The following MED23 variants were observed in gnomAD, a reference collection of about 807,000 sequenced individuals.
MED23 encodes mediator complex subunit 23, also known as mediator of RNA polymerase II transcription subunit 23.
A neutral mutation model predicts 163.9 loss-of-function variants in MED23; 105 were observed. That is an observed-to-expected ratio of 0.64 (90% confidence interval 0.55 to 0.75). The LOEUF is 0.75. MED23 is among the 30% of genes least tolerant of loss of function. The pLI, the probability that MED23 is intolerant of heterozygous loss-of-function variation, is 0.00. For synonymous variants in MED23, 561 were observed against 565.6 expected, an observed-to-expected ratio of 0.99 and a Z score of 0.12; for missense variants, 1,054 against 1,649.0, an observed-to-expected ratio of 0.64 and a Z score of 6.25.
chr6:131,579,006 T>G (rs888226124), intron 30 of MED23: 5 of 1,338,786 alleles, frequency 3.7e-6, no homozygotes, highest in Non-Finnish European at 5.2e-6. Context: ...TTTCCTTTGC[T>G]TATACTTGTG....
At chr6:131,580,955 T>C (rs532546947) in intron 30 of MED23, among the ~76,000 whole-genome samples, 28 of 152,334 alleles carry the variant, frequency 1.8e-4, no homozygotes, top group African/African-American at 6.7e-4. Context: ...CTAATCGTGG[T>C]TTTCTTACAA....
At chr6:131,581,699 T>C (rs530009746) in intron 30 of MED23, among the ~76,000 whole-genome samples, 4 of 152,338 alleles carry the variant, frequency 2.6e-5, no homozygotes, top group South Asian at 2.1e-4. Flanking sequence ...GCCAAGCCTA[T>C]AGTGAAGCAA....
At chr6:131,621,342 AAT>A (rs1313167133) in intron 6 of MED23, among the ~76,000 whole-genome samples, 1 of 151,918 alleles carries the variant, frequency 6.6e-6, no homozygotes, top group Non-Finnish European at 1.5e-5. Context: ...AAGTATATAT[AAT>A]ATATATACAC....
At chr6:131,623,486 C>T (rs1777260408) in intron 4 of MED23, 24 bp from the exon 5 acceptor site, 2 of 1,594,250 alleles carry the variant, frequency 1.3e-6, no homozygotes, top group Non-Finnish European at 8.6e-7. Context: ...AATAGCCATT[C>T]CAGTTACAAG....
intron 23 of MED23, among the ~76,000 whole-genome samples, chr6:131,593,501 C>T (rs1422946941): frequency 6.6e-6 from 1 of 152,024 alleles, no homozygotes; most frequent in Non-Finnish European, 1.5e-5. Flanking sequence ...ATGAGTCATT[C>T]TTTTGCTTCA....
intron 5 of MED23, 63 bp downstream of exon 5, chr6:131,623,288 C>T: frequency 4.8e-6 from 6 of 1,249,822 alleles, no homozygotes; most frequent in Non-Finnish European, 7.1e-6. Context: ...GAAAATAAGA[C>T]ATGCACACCG....
intron 17 of MED23, among the ~76,000 whole-genome samples, chr6:131,600,594 A>T (rs1044964655): frequency 2.0e-5 from 3 of 152,236 alleles, no homozygotes; most frequent in Admixed American, 2.0e-4. Flanking sequence ...TCTTTATGTA[A>T]AACAAAATAA....
At chr6:131,583,802 A>G, downstream of MED23, 1 of 1,614,144 alleles carries the variant, frequency 6.2e-7, no homozygotes, top group Non-Finnish European at 8.5e-7. Flanking sequence ...ACACCAGAAG[A>G]AGTAACTCGA....
rs968306895 is a variant in MED23, at chr6:131,603,211, G to T, written c.1757-7C>A. ...ACAGTTGGCAAAAGCTGACCTGGAG[G>T]AAAAAGACAATTTAAGGTACCAATT... On this transcript the variant is annotated splice_polypyrimidine_tract_variant and splice_region_variant and intron_variant, in intron 15 of 28. Coordinates refer to ENST00000368068, the MANE Select transcript of MED23 (RefSeq NM_004830.4). 1 of 1,613,542 alleles carries T rather than the reference G, an allele frequency of 6.2e-7. No homozygotes were observed. Among genetic ancestry groups the T allele is most frequent in the Middle Eastern group, 1.7e-4 (1 of 6,054 alleles).
At chr6:131,592,725 G>A in intron 24 of MED23, 1 of 598,586 alleles carries the variant, frequency 1.7e-6, no homozygotes, top group African/African-American at 1.9e-5. Context: ...AAAACAAGAT[G>A]AAGAGAATCT....
At chr6:131,590,574 A>G (rs990391742) in intron 26 of MED23, 132 bp from the exon 27 acceptor site, 46 of 565,474 alleles carry the variant, frequency 8.1e-5, no homozygotes, top group Non-Finnish European at 1.3e-4. Flanking sequence ...GGTAACAATA[A>G]TATTTCTAAT....
In MED23 at chr6:131,602,260, G is replaced by A. The variant is rs200807237; in HGVS notation, c.2053C>T (p.Arg685Ter). ...CTAGCCAAGGTCAATATCAAGGCTC[G>A]GTTCAGTTCTTCAGATTCTGCTGAG... Reference protein sequence around the residue: ...VLSAESEELNRALILTLARAT... With the variant: ...VLSAESEELN The change falls in exon 17 of 29, where the codon CGA (arginine) becomes TGA (stop). Residue 685 changes from arginine to a stop codon, truncating the protein, a stop_gained. Coordinates refer to ENST00000368068, the MANE Select transcript of MED23 (RefSeq NM_004830.4). LOFTEE classifies it high-confidence loss of function. The A allele has an allele frequency of 3.1e-6, 5 of 1,613,872 alleles. No individual in the cohort carries two copies. Among genetic ancestry groups the A allele is most frequent in the East Asian group, 2.2e-5 (1 of 44,862 alleles).
chr6:131,619,745 A>G, intron 8 of MED23, 82 bp downstream of exon 8: 1 of 1,072,010 alleles, frequency 9.3e-7, no homozygotes, highest in Non-Finnish European at 1.4e-6. Flanking sequence ...GCACATATTA[A>G]GAGAACATCC....
intron 22 of MED23, among the ~76,000 whole-genome samples, chr6:131,594,901 G>C (rs1159842519): frequency 6.6e-6 from 1 of 152,182 alleles, no homozygotes; most frequent in Non-Finnish European, 1.5e-5. Flanking sequence ...GCCTACGAAA[G>C]AAACTGGGTA....
At position 131,603,092 on chromosome 6, in the gene MED23, G is replaced by A. The variant is rs768371099; in HGVS notation, c.1869C>T (p.Leu623=). Residue 623 remains leucine (L), a synonymous_variant, in exon 16 of 29, where the codon CTC becomes CTT. Transcript: ENST00000368068. The part of the protein sequence containing the change: ...HHIQPHYRVQ[L]LSHLHTLAAV... ...CAGCCAAAGTATGAAGATGACTCAG[G>A]AGCTGAACTCTGTAATGAGGCTGAA... 1.2e-6 allele frequency: 2 copies of A among 1,613,970 alleles called. No homozygotes were observed. The highest frequency in any genetic ancestry group is 1.7e-6 in the Non-Finnish European group (2 of 1,179,906).
In MED23 at chr6:131,587,641, C is replaced by T. The variant is rs754340396; in HGVS notation, c.*38G>A. On this transcript the variant is annotated 3_prime_UTR_variant, in exon 29 of 29. Transcript: ENST00000368068. The stretch of plus-strand genomic sequence containing the variant: ...AAAGGTTTGAGTCCACTCTCAAAGA[C>T]GGATATATTTCTACTTTCTCCACAG... 2.9e-5 allele frequency: 47 copies of T among 1,613,552 alleles called. No homozygotes were observed. Among genetic ancestry groups the T allele is most frequent in the African/African-American group, 5.3e-5 (4 of 75,012 alleles).
chr6:131,602,025 C>T (rs149717107), intron 17 of MED23, among the ~76,000 whole-genome samples, 193 bp downstream of exon 17: 8 of 152,078 alleles, frequency 5.3e-5, no homozygotes, highest in South Asian at 2.1e-4. Flanking sequence ...CGATGCTCAA[C>T]GCAGTTATTA....
At position 131,590,524 on chromosome 6, in the gene MED23, A is replaced by G. The variant is rs1397044805; in HGVS notation, c.3687-82T>C. On this transcript the variant is annotated intron_variant, in intron 26 of 28. Transcript: ENST00000368068. ...TTTGTTCATACAGTATATACAAAGT[A>G]TTACAATAAAATATAATTTTTTAAA... The G allele has an allele frequency of 3.3e-6, 3 of 897,142 alleles. No homozygotes were observed. The Admixed American group carries it at 7.9e-5, about 24-fold the overall frequency. 55.6% of individuals were successfully genotyped at this position (897,142 alleles called of 1,614,324 possible).
chr6:131,617,787 C>A (rs1776800759), intron 9 of MED23, among the ~76,000 whole-genome samples: 1 of 152,142 alleles, frequency 6.6e-6, no homozygotes, highest in Admixed American at 6.6e-5. Flanking sequence ...ACTAATGCAA[C>A]AATTTAGAGG....
Sources: allele counts gnomAD v4.1 joint callset (sites outside exome capture counted in the v4.1 genomes callset), GRCh38; gene constraint gnomAD v4.1.1; transcripts MANE v1.5; gene names NCBI Gene and HGNC (gene_info 2026-07-23, HGNC 2026-07-21).